DIP2C: variants seen among roughly 807,000 people sequenced by gnomAD.
DIP2C encodes the protein DIP2 acetate--CoA ligase C (putative).
Under a neutral mutation model 192.4 loss-of-function variants are expected in DIP2C, and 33 were observed. The ratio of observed to expected loss-of-function variants is 0.17; its 90% confidence interval spans 0.13 to 0.23. The LOEUF (loss-of-function observed/expected upper bound fraction) is 0.23, where lower values mean the gene tolerates loss of function less well. Among genes scored for constraint, DIP2C ranks in the 10% least tolerant of loss-of-function variants. DIP2C has a pLI of 1.00. For missense variants in DIP2C, 1,537 were observed against 2,110.1 expected (o/e 0.73, Z 5.32); for synonymous variants, 979 against 864.1 (o/e 1.13, Z -2.33).
At chr10:407,417 A>G (rs1016944057) in intron 9 of DIP2C, among the ~76,000 whole-genome samples, 2 of 151,822 alleles carry the variant, frequency 1.3e-5, no homozygotes, top group Non-Finnish European at 2.9e-5. Context: ...TCTCTCCTAG[A>G]CTCTGTTTTC....
chr10:326,486 G>A (rs1372007648), intron 31 of DIP2C, among the ~76,000 whole-genome samples: 1 of 152,164 alleles, frequency 6.6e-6, no homozygotes, highest in Non-Finnish European at 1.5e-5. Flanking sequence ...AAGGAAATCC[G>A]CAGCTCTGCC....
chr10:414,739 G>GTGTGTGTGTGTATATATATA lies in DIP2C; in HGVS notation c.860-630_860-629insTATATATATACACACACACA. ...TGTGTGTGTGTGTGTGTGTGTGTGT[G>GTGTGTGTGTGTATATATATA]TACATATATATATATATAATGTGTA... On this transcript the variant is annotated intron_variant, in intron 7 of 36. Coordinates refer to ENST00000280886, the MANE Select transcript of DIP2C (RefSeq NM_014974.3). Among the ~76,000 whole-genome samples the GTGTGTGTGTGTATATATATA allele has an allele frequency of 2.1e-3, 186 of 90,516 alleles. 6 individuals are homozygous for GTGTGTGTGTGTATATATATA. The highest frequency in any genetic ancestry group is 6.1e-3 in the African/African-American group (135 of 22,220). 59.4% of individuals were successfully genotyped at this position (90,516 alleles called of 152,430 possible).
chr10:295,872 GA>G (rs1300140677), intron 32 of DIP2C, among the ~76,000 whole-genome samples: 7 of 152,184 alleles, frequency 4.6e-5, no homozygotes, highest in East Asian at 1.9e-4. Context: ...AGCTAGACGT[GA>G]TGATAAGCAT....
At chr10:407,145 C>T (rs1421702584) in intron 9 of DIP2C, among the ~76,000 whole-genome samples, 2 of 152,220 alleles carry the variant, frequency 1.3e-5, no homozygotes, top group African/African-American at 4.8e-5. Context: ...CCATTGCAAT[C>T]CCCGTCTAGA....
At chr10:481,784 C>T (rs544537133) in intron 2 of DIP2C, among the ~76,000 whole-genome samples, 79 of 152,300 alleles carry the variant, frequency 5.2e-4, no homozygotes, top group Non-Finnish European at 9.3e-4. Flanking sequence ...CATCCTCGTA[C>T]CACGGTAGGG....
chr10:363,663 G>A lies in DIP2C; in HGVS notation c.2478-352C>T, dbSNP rs982808451. 3.3e-5 allele frequency among the ~76,000 whole-genome samples: 5 copies of A among 152,208 alleles called. No homozygotes were observed. The South Asian group carries it at 6.2e-4, about 19-fold the overall frequency. ...CCCTTCACAGCTCGAGTTTGCACCC[G>A]TGAAGTTAACGGTCTCCAAATCAGT... On this transcript the variant is annotated intron_variant, in intron 20 of 36. Coordinates refer to ENST00000280886, the MANE Select transcript of DIP2C (RefSeq NM_014974.3). This position sits in a 1 kb window ranked among gnomAD's most constrained non-coding sequence, Gnocchi z 5.4.
intron 1 of DIP2C, among the ~76,000 whole-genome samples, chr10:579,709 T>C (rs1321673691): frequency 6.6e-6 from 1 of 152,082 alleles, no homozygotes; most frequent in Non-Finnish European, 1.5e-5. Flanking sequence ...ACACATAGTG[T>C]ACACACATCC....
At chr10:313,389 T>C (rs373907927) in intron 31 of DIP2C, among the ~76,000 whole-genome samples, 1 of 152,228 alleles carries the variant, frequency 6.6e-6, no homozygotes, top group Admixed American at 6.5e-5. Flanking sequence ...AATCCAGTTA[T>C]ATAATAAAAA....
chr10:605,639 C>A (rs373113241), intron 1 of DIP2C, among the ~76,000 whole-genome samples: 2 of 152,176 alleles, frequency 1.3e-5, no homozygotes, highest in African/African-American at 4.8e-5. Context: ...AGATTCCTGA[C>A]GCCTGCCTGA....
intron 35 of DIP2C, 125 bp from the exon 36 acceptor site, chr10:281,448 G>A (rs1954814412): frequency 2.9e-5 from 38 of 1,330,686 alleles, no homozygotes; most frequent in South Asian, 5.0e-5. Flanking sequence ...AGGGGCTCAC[G>A]GATCCAGGGA....
At chr10:486,619 G>GT in intron 1 of DIP2C, 89 bp from the exon 2 acceptor site, 1 of 1,096,076 alleles carries the variant, frequency 9.1e-7, no homozygotes, top group Non-Finnish European at 1.3e-6. Context: ...AGTTATCACA[G>GT]TATCTTCTGT....
At chr10:283,723 T>C (rs1211932514) in intron 34 of DIP2C, among the ~76,000 whole-genome samples, 3 of 152,174 alleles carry the variant, frequency 2.0e-5, no homozygotes, top group Admixed American at 2.0e-4. Flanking sequence ...ATTTAACAAA[T>C]AGGTTTTAAA....
chr10:535,891 C>T (rs1847667333), intron 1 of DIP2C, among the ~76,000 whole-genome samples: 1 of 152,226 alleles, frequency 6.6e-6, no homozygotes, highest in Admixed American at 6.5e-5. Flanking sequence ...AACATATACA[C>T]ATACTTATAT....
intron 1 of DIP2C, among the ~76,000 whole-genome samples, chr10:570,097 G>A (rs936872532): frequency 1.3e-5 from 2 of 152,146 alleles, no homozygotes; most frequent in Non-Finnish European, 2.9e-5. Flanking sequence ...CACGACCAAA[G>A]GCTTTCAGAG....
Position 415,970 on chromosome 10 carries a change from C to T in DIP2C, c.740-82G>A, listed in dbSNP as rs185416020. 3.8e-6 allele frequency: 6 copies of T among 1,590,004 alleles called. No individual in the cohort carries two copies. In the South Asian group the frequency reaches 5.7e-5, roughly 15 times the overall value. ...CCACAGTCCCACAGTCCCACAGCCC[C>T]CTCCCCAGCGCGGCTACAACAGGCT... On this transcript the variant is annotated intron_variant, in intron 6 of 36. Coordinates refer to ENST00000280886, the MANE Select transcript of DIP2C (RefSeq NM_014974.3).
intron 1 of DIP2C, among the ~76,000 whole-genome samples, chr10:614,540 A>G (rs1853313263): frequency 6.6e-6 from 1 of 152,216 alleles, no homozygotes; most frequent in Non-Finnish European, 1.5e-5. Context: ...CACCACAGGC[A>G]CAGCCGTGCA....
chr10:586,214 G>A (rs1851010438), intron 1 of DIP2C, among the ~76,000 whole-genome samples: 1 of 152,184 alleles, frequency 6.6e-6, no homozygotes, highest in Admixed American at 6.5e-5. Context: ...AAAGAAAATG[G>A]AAACACACAT....
chr10:463,955 A>G (rs1969998760), intron 3 of DIP2C, among the ~76,000 whole-genome samples: 1 of 152,234 alleles, frequency 6.6e-6, no homozygotes, highest in African/African-American at 2.4e-5. Context: ...CAGAAAACTG[A>G]AACTGGACCC....
intron 22 of DIP2C, among the ~76,000 whole-genome samples, chr10:362,039 A>G (rs1959593733): frequency 6.6e-6 from 1 of 152,124 alleles, no homozygotes; most frequent in African/African-American, 2.4e-5. Context: ...ATCAAACACC[A>G]GAGACCATGA....
Sources: allele counts gnomAD v4.1 joint callset (sites outside exome capture counted in the v4.1 genomes callset), GRCh38; gene constraint gnomAD v4.1.1; non-coding constraint Gnocchi (gnomAD v3.1); transcripts MANE v1.5; gene names NCBI Gene and HGNC (gene_info 2026-07-23, HGNC 2026-07-21).